The following KMT2C variants were observed in gnomAD, a reference collection of about 807,000 sequenced individuals.
KMT2C encodes histone-lysine N-methyltransferase 2C.
KMT2C carries 88 observed loss-of-function variants against 507.9 expected under a neutral mutation model. The ratio of observed to expected loss-of-function variants is 0.17; its 90% CI spans 0.15 to 0.21. KMT2C has a LOEUF of 0.21. KMT2C is among the 10% of genes least tolerant of loss of function. KMT2C has a pLI of 1.00. For synonymous variants in KMT2C, 2,049 were observed against 2,080.8 expected (o/e 0.98, Z 0.42); for missense variants, 4,954 against 5,957.8 (o/e 0.83, Z 5.55).
chr7:152,315,074 T>A (rs2096710628), intron 4 of KMT2C, 64 bp downstream of exon 4: 1 of 1,363,844 alleles, frequency 7.3e-7, no homozygotes, highest in African/African-American at 1.4e-5. Flanking sequence ...TTATAAACAT[T>A]ATAATGGAAA....
chr7:152,164,790 T>C (rs940990060), intron 42 of KMT2C, among the ~76,000 whole-genome samples: 5 of 152,220 alleles, frequency 3.3e-5, no homozygotes, highest in Non-Finnish European at 7.3e-5. Flanking sequence ...ATCAATTAAT[T>C]AATTCATTCC....
chr7:152,410,196 G>A (rs1163308039), intron 1 of KMT2C, among the ~76,000 whole-genome samples: 3 of 113,512 alleles, frequency 2.6e-5, no homozygotes, highest in Non-Finnish European at 5.9e-5. Flanking sequence ...CAGATCACGA[G>A]GTCAGCAATT....
intron 1 of KMT2C, among the ~76,000 whole-genome samples, chr7:152,401,975 T>C (rs1201155182): frequency 6.6e-6 from 1 of 152,294 alleles, no homozygotes; most frequent in Non-Finnish European, 1.5e-5. Flanking sequence ...CCAGGCATGG[T>C]GGCGCCTGCC....
At chr7:152,380,573 G>GAAA (rs36092195) in intron 1 of KMT2C, among the ~76,000 whole-genome samples, 1 of 80,738 alleles carries the variant, frequency 1.2e-5, no homozygotes. Context: ...TGTCTCAAAA[G>GAAA]AAAAAAAAAA....
chr7:152,181,101 T>C lies in KMT2C; in HGVS notation c.6759A>G (p.Ala2253=). The change falls in exon 36 of 59, where the codon GCA becomes GCG. Residue 2253 remains alanine, a synonymous_variant. Coordinates refer to ENST00000262189, the MANE Select transcript of KMT2C (RefSeq NM_170606.3). ...LMPNQDPFLQ[A]AQNRGPALPG... ...GTAAAGCTGGTCCTCGGTTTTGTGCTGCTTGCAGGAAAGGATCCTGATTTG... is the reference window on the plus strand; with the variant it reads ...GTAAAGCTGGTCCTCGGTTTTGTGCCGCTTGCAGGAAAGGATCCTGATTTG... 1 of 1,614,208 alleles carries C rather than the reference T, an allele frequency of 6.2e-7. No individual in the cohort carries two copies. Among genetic ancestry groups the C allele is most frequent in the Admixed American group, 1.7e-5 (1 of 60,030 alleles).
At chr7:152,153,898 G>T in intron 48 of KMT2C, 112 bp downstream of exon 48, 1 of 1,088,128 alleles carries the variant, frequency 9.2e-7, no homozygotes, top group Non-Finnish European at 1.3e-6. Flanking sequence ...TCTGCTCTCT[G>T]ACCCTTTATC....
At chr7:152,254,315 A>C (rs2095610496) in intron 9 of KMT2C, among the ~76,000 whole-genome samples, 1 of 152,210 alleles carries the variant, frequency 6.6e-6, no homozygotes, top group Non-Finnish European at 1.5e-5. Context: ...GAAGGAGAAA[A>C]GAAAAACAAT....
chr7:152,218,547 C>T (rs1268269768), intron 23 of KMT2C, among the ~76,000 whole-genome samples: 1 of 152,128 alleles, frequency 6.6e-6, no homozygotes, highest in Non-Finnish European at 1.5e-5. Flanking sequence ...CCTGTCATAA[C>T]TCTTGCACCT....
At chr7:152,316,736 T>G (rs544462525) in intron 3 of KMT2C, among the ~76,000 whole-genome samples, 2 of 152,268 alleles carry the variant, frequency 1.3e-5, no homozygotes, top group East Asian at 3.9e-4. Flanking sequence ...AAAATTAGCT[T>G]TGTTTTTGTA....
chr7:152,195,019 A>G (rs895872653), intron 28 of KMT2C, among the ~76,000 whole-genome samples: 1 of 152,184 alleles, frequency 6.6e-6, no homozygotes, highest in Non-Finnish European at 1.5e-5. Flanking sequence ...TCAGTGTTTA[A>G]TATTATCCTT....
At chr7:152,312,029 C>T (rs1208952843) in intron 4 of KMT2C, 83 bp from the exon 5 acceptor site, 1 of 1,060,576 alleles carries the variant, frequency 9.4e-7, no homozygotes, top group Non-Finnish European at 1.3e-6. Flanking sequence ...CAATGTACTG[C>T]CAAATCAATT....
At chr7:152,235,223 A>ATATATATATATATATATATATC (rs930686899) in intron 16 of KMT2C, among the ~76,000 whole-genome samples, 4 of 151,272 alleles carry the variant, frequency 2.6e-5, no homozygotes, top group Middle Eastern at 3.2e-3. Flanking sequence ...ATATATATAT[A>ATATATATATATATATATATATC]TCAAAGCTTA....
Position 152,409,803 on chromosome 7 carries a change from GT to G in KMT2C, c.161+25822del, listed in dbSNP as rs368883552. Among the ~76,000 whole-genome samples the G allele has an allele frequency of 4.0e-5, 6 of 150,498 alleles. No individual in the cohort carries two copies. In the East Asian group the frequency reaches 5.8e-4, roughly 15 times the overall value. On this transcript the variant is annotated intron_variant, in intron 1 of 58. Coordinates refer to ENST00000262189, the MANE Select transcript of KMT2C (RefSeq NM_170606.3). ...AGTGACCAGAGGTTTTATTTCTTGG[GT>G]TTTTTTTTAAATCATCATGGAATTA...
chr7:152,352,225 ATT>A (rs1432529425), intron 2 of KMT2C, among the ~76,000 whole-genome samples: 1 of 152,156 alleles, frequency 6.6e-6, no homozygotes, highest in Non-Finnish European at 1.5e-5. Context: ...TCCCAGGCTT[ATT>A]AGGAAGAGGA....
intron 1 of KMT2C, among the ~76,000 whole-genome samples, chr7:152,359,741 C>T (rs2097180545): frequency 6.6e-6 from 1 of 151,762 alleles, no homozygotes; most frequent in East Asian, 1.9e-4. Flanking sequence ...AATTGAAAAA[C>T]ATAAAACATT....
At chr7:152,420,385 T>C (rs1458482840) in intron 1 of KMT2C, among the ~76,000 whole-genome samples, 2 of 152,234 alleles carry the variant, frequency 1.3e-5, no homozygotes, top group African/African-American at 2.4e-5. Flanking sequence ...TATTCTGATA[T>C]ACACATTAAA....
chr7:152,183,963 T>A (rs1416694596), intron 34 of KMT2C, among the ~76,000 whole-genome samples: 2 of 151,110 alleles, frequency 1.3e-5, no homozygotes, highest in Admixed American at 1.3e-4. Flanking sequence ...TCCCAGCTAC[T>A]TGGGAGGCTG....
At position 152,249,490 on chromosome 7, in the gene KMT2C, C is replaced by CT. The variant is rs558015230; in HGVS notation, c.1813+385dup. Among the ~76,000 whole-genome samples the CT allele has an allele frequency of 4.6e-4, 69 of 151,510 alleles. 3 individuals carry two copies. The South Asian group carries it at 0.014, about 31-fold the overall frequency. On this transcript the variant is annotated intron_variant, in intron 13 of 58. Coordinates refer to ENST00000262189, the MANE Select transcript of KMT2C (RefSeq NM_170606.3). ...ACACATGTGTCACCATCCCCAGATA[C>CT]TTTTTTTATTTTTGTAGAGACAGGG... is the stretch of plus-strand genomic sequence containing the variant.
At chr7:152,304,586 C>T (rs2096598749) in intron 6 of KMT2C, among the ~76,000 whole-genome samples, 1 of 152,178 alleles carries the variant, frequency 6.6e-6, no homozygotes, top group African/African-American at 2.4e-5. Flanking sequence ...TCACTGCATT[C>T]TCAATGTTGA....
Sources: gnomAD v4.1 joint callset for allele counts (sites outside exome capture counted in the v4.1 genomes callset) on GRCh38, gnomAD v4.1.1 for gene constraint, MANE v1.5 for transcripts, NCBI Gene and HGNC (gene_info 2026-07-23, HGNC 2026-07-21) for gene names.